HAO1: variants seen among roughly 807,000 people sequenced by gnomAD.
The protein encoded by HAO1 is hydroxyacid oxidase 1, also known as 2-Hydroxyacid oxidase 1.
HAO1 carries 34 observed loss-of-function variants against 39.7 expected under a neutral mutation model. The observed-to-expected ratio is 0.86, with a 90% CI of 0.65 to 1.14. The LOEUF is 1.14. HAO1 is among the 50% of genes most tolerant of loss of function. The pLI is 0.00. For synonymous variants in HAO1, 172 were observed against 173.2 expected (o/e 0.99, Z 0.05); for missense variants, 479 against 464.5 (o/e 1.03, Z -0.29).
chr20:7,894,840 T>A (rs2050189543), intron 5 of HAO1, among the ~76,000 whole-genome samples: 2 of 152,200 alleles, frequency 1.3e-5, no homozygotes, highest in Admixed American at 6.5e-5. Context: ...TTTACATACC[T>A]ATTGGTGTAT....
At chr20:7,927,486 A>G (rs1184420236) in intron 2 of HAO1, among the ~76,000 whole-genome samples, 1 of 152,182 alleles carries the variant, frequency 6.6e-6, no homozygotes, top group Non-Finnish European at 1.5e-5. Flanking sequence ...AACTATTAAA[A>G]TGTTGATTAA....
intron 1 of HAO1, among the ~76,000 whole-genome samples, chr20:7,937,110 C>G (rs2050416435): frequency 6.6e-6 from 1 of 152,074 alleles, no homozygotes; most frequent in Non-Finnish European, 1.5e-5. Flanking sequence ...CGGGGAGAAT[C>G]TGTTCACAGG....
intron 4 of HAO1, among the ~76,000 whole-genome samples, chr20:7,898,507 A>G (rs2050207218): frequency 6.6e-6 from 1 of 152,176 alleles, no homozygotes; most frequent in South Asian, 2.1e-4. Context: ...ATATGTACTC[A>G]GTCCATCATT....
intron 4 of HAO1, among the ~76,000 whole-genome samples, chr20:7,895,594 CAA>C (rs775878126): frequency 7.3e-5 from 9 of 123,732 alleles, no homozygotes; most frequent in Non-Finnish European, 6.7e-5. Context: ...TTTGGATAGC[CAA>C]AAAAAAAAAA....
intron 3 of HAO1, among the ~76,000 whole-genome samples, chr20:7,909,645 G>A (rs569898323): frequency 6.6e-6 from 1 of 151,430 alleles, no homozygotes; most frequent in African/African-American, 2.4e-5. Flanking sequence ...CATAAAAATA[G>A]TAACAACTGC....
intron 2 of HAO1, among the ~76,000 whole-genome samples, chr20:7,921,222 A>T (rs933666645): frequency 6.6e-6 from 1 of 152,196 alleles, no homozygotes; most frequent in Non-Finnish European, 1.5e-5. Context: ...AAGGTCTAAT[A>T]TCCAGAATCT....
At chr20:7,899,679 A>G (rs1483007709) in intron 4 of HAO1, among the ~76,000 whole-genome samples, 2 of 152,326 alleles carry the variant, frequency 1.3e-5, no homozygotes, top group East Asian at 3.9e-4. Context: ...TTATAACCAG[A>G]TATAAGCCCC....
In HAO1 at chr20:7,939,134, G is replaced by A. The variant is rs117362136; in HGVS notation, c.137+1152C>T. On this transcript the variant is annotated intron_variant, in intron 1 of 7. Transcript: ENST00000378789. The stretch of plus-strand genomic sequence containing the variant: ...AAATGAGTCCAAAATAGTAAATAAT[G>A]ATGCAGAATTTTAAGCCCCTCTACT... Among the ~76,000 whole-genome samples, 542 of 152,218 alleles carry A rather than the reference G, an allele frequency of 3.6e-3. 1 individual carries two copies. Among genetic ancestry groups the A allele is most frequent in the Non-Finnish European group, 5.8e-3 (392 of 67,992 alleles).
intron 4 of HAO1, among the ~76,000 whole-genome samples, chr20:7,900,578 G>A (rs184208971): frequency 7.2e-4 from 110 of 152,148 alleles, no homozygotes; most frequent in South Asian, 1.2e-3. Context: ...TTGTTTTGGG[G>A]TGCCATGAAC....
At chr20:7,891,927 G>A (rs919441788) in intron 5 of HAO1, among the ~76,000 whole-genome samples, 1 of 152,124 alleles carries the variant, frequency 6.6e-6, no homozygotes. Context: ...TTTGTGCTGT[G>A]ACCAACCTCT....
chr20:7,925,184 C>T (rs2050353595), intron 2 of HAO1, among the ~76,000 whole-genome samples: 1 of 152,168 alleles, frequency 6.6e-6, no homozygotes, highest in African/African-American at 2.4e-5. Context: ...TCTAAAAGAA[C>T]AAACCTTCAA....
rs911458544 is a variant in HAO1, at chr20:7,934,605, A to G, written c.168T>C (p.Asn56=). The G allele has an allele frequency of 1.2e-6, 2 of 1,610,796 alleles. No individual in the cohort carries two copies. The highest frequency in any genetic ancestry group is 1.3e-5 in the African/African-American group (1 of 74,914). The change falls in exon 2 of 8, where the codon AAT becomes AAC. Residue 56 remains asparagine (N), a synonymous_variant. Coordinates refer to ENST00000378789, the MANE Select transcript of HAO1 (RefSeq NM_017545.3). ...AAGTCGACAGATCTGTTTCAGCAAC[A>G]TTCCGGAGCATCCTTGGATACAGCT... ...RWKLYPRMLR[N]VAETDLSTSV... is the part of the protein sequence containing the mutation.
chr20:7,886,330 T>G (rs1450076074), intron 5 of HAO1, among the ~76,000 whole-genome samples: 1 of 152,030 alleles, frequency 6.6e-6, no homozygotes, highest in East Asian at 1.9e-4. Context: ...CCCACCACCA[T>G]GCCTAGCTAA....
At chr20:7,915,261 A>G (rs2050301616) in intron 2 of HAO1, among the ~76,000 whole-genome samples, 1 of 152,156 alleles carries the variant, frequency 6.6e-6, no homozygotes, top group African/African-American at 2.4e-5. Context: ...TTAGTAGACT[A>G]CAGGTAAAGC....
intron 4 of HAO1, among the ~76,000 whole-genome samples, chr20:7,896,233 T>C (rs2122757726): frequency 6.6e-6 from 1 of 152,330 alleles, no homozygotes; most frequent in East Asian, 1.9e-4. Flanking sequence ...TAGCATGTCC[T>C]AATAACAAAC....
intron 3 of HAO1, among the ~76,000 whole-genome samples, chr20:7,911,448 C>A (rs1036383045): frequency 6.6e-6 from 1 of 152,136 alleles, no homozygotes; most frequent in Admixed American, 6.5e-5. Context: ...GTAAATGAAC[C>A]ATCTCCATGG....
At chr20:7,936,534 G>A (rs1323673374) in intron 1 of HAO1, among the ~76,000 whole-genome samples, 1 of 148,790 alleles carries the variant, frequency 6.7e-6, no homozygotes, top group East Asian at 2.0e-4. Flanking sequence ...GTGTGTGTGT[G>A]TGTGTGTGTG....
At chr20:7,925,299 A>G (rs1219093346) in intron 2 of HAO1, among the ~76,000 whole-genome samples, 1 of 152,140 alleles carries the variant, frequency 6.6e-6, no homozygotes, top group Non-Finnish European at 1.5e-5. Flanking sequence ...AAGAAACCAG[A>G]TTTAATCGTT....
intron 4 of HAO1, among the ~76,000 whole-genome samples, chr20:7,902,625 G>C (rs960202308): frequency 7.9e-5 from 12 of 152,248 alleles, no homozygotes; most frequent in African/African-American, 2.9e-4. Flanking sequence ...TCTTAGGTAT[G>C]CCTGTATATG....
Sources: gnomAD v4.1 joint callset for allele counts (sites outside exome capture counted in the v4.1 genomes callset) on GRCh38, gnomAD v4.1.1 for gene constraint, MANE v1.5 for transcripts, NCBI Gene and HGNC (gene_info 2026-07-23, HGNC 2026-07-21) for gene names.